ISCU: variants seen among roughly 807,000 people sequenced by gnomAD.
ISCU encodes the protein iron-sulfur cluster assembly enzyme ISCU.
Under a neutral mutation model 18.4 loss-of-function variants are expected in ISCU, and 13 were observed. The observed-to-expected ratio is 0.71, with a 90% CI of 0.46 to 1.12. ISCU has a LOEUF of 1.12. Ranked by LOEUF, ISCU falls within the 50% of genes most tolerant of loss-of-function variation. The probability of loss-of-function intolerance (pLI) is 0.00; values close to 1 mark genes in which losing one functional copy is unlikely to be tolerated. For synonymous variants in ISCU, 104 were observed against 87.5 expected (o/e 1.19, Z -1.06); for missense variants, 229 against 208.7 (o/e 1.10, Z -0.60).
In ISCU at chr12:108,567,113, G is replaced by T. The variant is rs1206719264; in HGVS notation, c.340-77G>T. On this transcript the variant is annotated intron_variant, in intron 3 of 4. Coordinates refer to ENST00000311893, the MANE Select transcript of ISCU (RefSeq NM_213595.4). ...CCCACCAACCCTGAGAGCCTCTTTGGCCTCCCTTTTTTATTGGCTGGCCCT... is the reference window on the plus strand; with the variant it reads ...CCCACCAACCCTGAGAGCCTCTTTGTCCTCCCTTTTTTATTGGCTGGCCCT... 10 of 1,093,936 alleles carry T rather than the reference G, an allele frequency of 9.1e-6. No homozygotes were observed. The East Asian group carries it at 2.1e-4, about 23-fold the overall frequency. The allele number at this position is 1,093,936 out of a possible 1,614,324, so 67.8% of individuals were successfully genotyped here.
rs1226375060 is a variant in ISCU, at chr12:108,569,190, A to C, written c.*274A>C. Reference sequence around the variant, plus strand: ...ACCTCAGAACTGAAATTGATAATGAAGTTGCAAGTTTTGATAGCCCGTGAA... The same window carrying C: ...ACCTCAGAACTGAAATTGATAATGACGTTGCAAGTTTTGATAGCCCGTGAA... On this transcript the variant is annotated 3_prime_UTR_variant, in exon 5 of 5. Transcript: ENST00000311893. The C allele has an allele frequency of 4.3e-6, 2 of 464,880 alleles. No homozygotes were observed. The highest frequency in any genetic ancestry group is 3.9e-5 in the African/African-American group (2 of 50,676). 28.8% of individuals were successfully genotyped at this position (464,880 alleles called of 1,614,324 possible).
chr12:108,565,172 G>A (rs2030830790), intron 2 of ISCU, 149 bp from the exon 3 acceptor site: 1 of 674,354 alleles, frequency 1.5e-6, no homozygotes, highest in Admixed American at 2.4e-5. Context: ...TGAGCTCTTT[G>A]AAACAAGGCA....
At chr12:108,567,977 A>G (rs1471544393) in intron 4 of ISCU, 19 of 1,513,772 alleles carry the variant, frequency 1.3e-5, no homozygotes, top group Non-Finnish European at 1.5e-5. Flanking sequence ...TACTAACCAA[A>G]TTAGTTAAAA....
chr12:108,565,538 A>G, intron 3 of ISCU, 107 bp downstream of exon 3: 2 of 734,510 alleles, frequency 2.7e-6, no homozygotes, highest in South Asian at 1.6e-5. Context: ...TTATATTATC[A>G]TTTCTTCAAA....
chr12:108,563,118 CT>C (rs1565874047), intron 1 of ISCU: 1 of 166,726 alleles, frequency 6.0e-6, no homozygotes, highest in Non-Finnish European at 1.3e-5. Context: ...CACTGCGCCT[CT>C]CTGAACCTGT....
chr12:108,568,073 A>C, intron 4 of ISCU: 1 of 1,445,932 alleles, frequency 6.9e-7, no homozygotes. Context: ...CTCATTCTTC[A>C]GGAAGCCTGG....
At chr12:108,564,039 A>C in intron 1 of ISCU, 1 of 1,481,750 alleles carries the variant, frequency 6.7e-7, no homozygotes, top group East Asian at 2.3e-5. Flanking sequence ...ACATGATTTC[A>C]CTGATTTTTT....
At position 108,568,402 on chromosome 12, in the gene ISCU, G is replaced by A. The variant is rs530581695; in HGVS notation, c.419-429G>A. 3.7e-6 allele frequency: 4 copies of A among 1,092,526 alleles called. No homozygotes were observed. The East Asian group carries it at 2.8e-4, about 76-fold the overall frequency. The allele number at this position is 1,092,526 out of a possible 1,614,324, so 67.7% of individuals were successfully genotyped here. A position where few individuals can be genotyped will look rare whatever the true frequency, so the allele number is the denominator to read the frequency against. Reference sequence around the variant, plus strand: ...GATTGACATGATCTTTTTTCCAAAGGGCATGTCAACTTTTTTATCATGACA... The same window carrying A: ...GATTGACATGATCTTTTTTCCAAAGAGCATGTCAACTTTTTTATCATGACA... On this transcript the variant is annotated intron_variant, in intron 4 of 4. Transcript: ENST00000311893.
At chr12:108,567,794 T>G in intron 4 of ISCU, 2 of 1,531,736 alleles carry the variant, frequency 1.3e-6, no homozygotes, top group Non-Finnish European at 1.7e-6. Context: ...TAAGCCCAGT[T>G]GTACAATGTC....
Position 108,568,546 on chromosome 12 carries a change from A to AT in ISCU, c.419-283dup, listed in dbSNP as rs1249566333. 6 of 1,305,910 alleles carry AT rather than the reference A, an allele frequency of 4.6e-6. No individual in the cohort carries two copies. The African/African-American group carries it at 9.0e-5, about 20-fold the overall frequency. The allele number at this position is 1,305,910 out of a possible 1,614,324, so 80.9% of individuals were successfully genotyped here. A position where few individuals can be genotyped will look rare whatever the true frequency, so the allele number is the denominator to read the frequency against. The stretch of plus-strand genomic sequence containing the variant: ...ACACTATCCTGGCAAGAAAAGCATG[A>AT]TTATCCCAGTTCTATAGAAGAGAAA... On this transcript the variant is annotated intron_variant, in intron 4 of 4. Coordinates refer to ENST00000311893, the MANE Select transcript of ISCU (RefSeq NM_213595.4).
chr12:108,562,455 A>G (rs760822506), upstream of ISCU: 2 of 437,678 alleles, frequency 4.6e-6, no homozygotes, highest in South Asian at 5.2e-5. Context: ...CGCCCCCGAG[A>G]GGCGTGGTCA....
chr12:108,565,004 C>A, intron 2 of ISCU: 1 of 405,640 alleles, frequency 2.5e-6, no homozygotes, highest in African/African-American at 2.0e-5. Context: ...CCAGATTGCC[C>A]CAGCAGCTGT....
upstream of ISCU, chr12:108,562,518 A>G (rs796842009): frequency 3.4e-6 from 2 of 596,196 alleles, no homozygotes; most frequent in Non-Finnish European, 5.2e-6. Flanking sequence ...GCAGGCGCAA[A>G]GCTTCGGTGA....
rs768522022 is a variant in ISCU at position 108,568,822 on chromosome 12, T to TA, written c.419-8dup. ...GAAACTTAGGCTTCTTTCCTTCCGT[T>TA]ACTTCCAGTGCTGGCTGAAGATGCA... On this transcript the variant is annotated splice_polypyrimidine_tract_variant and intron_variant, in intron 4 of 4. Coordinates refer to ENST00000311893, the MANE Select transcript of ISCU (RefSeq NM_213595.4). 5 of 1,611,612 alleles carry TA rather than the reference T, an allele frequency of 3.1e-6. No individual in the cohort carries two copies. The African/African-American group carries it at 4.0e-5, about 13-fold the overall frequency.
chr12:108,567,697 C>T (rs1413999052), intron 4 of ISCU: 18 of 1,535,882 alleles, frequency 1.2e-5, no homozygotes, highest in Admixed American at 3.9e-5. Context: ...ACTCAGCTTT[C>T]GCCATAATCC....
At chr12:108,568,243 T>G in intron 4 of ISCU, 1 of 1,199,972 alleles carries the variant, frequency 8.3e-7, no homozygotes, top group Middle Eastern at 3.4e-4. Context: ...GTTATTTGCT[T>G]GCTTTCTGCT....
upstream of ISCU, among the ~76,000 whole-genome samples, chr12:108,561,806 G>C (rs535400504): frequency 2.8e-4 from 42 of 152,192 alleles, no homozygotes; most frequent in African/African-American, 9.9e-4. Context: ...CATATAAATT[G>C]AGTTTGCTGT....
Position 108,562,602 on chromosome 12 carries a change from G to C in ISCU, c.-21G>C. On this transcript the variant is annotated 5_prime_UTR_variant, in exon 1 of 5. Coordinates refer to ENST00000311893, the MANE Select transcript of ISCU (RefSeq NM_213595.4). ...CGCCCCTCGGCGTCGCTCTGGACTG[G>C]CGCAGGCGCAAGCCGGCAAGATGGC... is the stretch of plus-strand genomic sequence containing the variant. The C allele has an allele frequency of 7.2e-7, 1 of 1,398,170 alleles. No homozygotes were observed. The highest frequency in any genetic ancestry group is 9.4e-7 in the Non-Finnish European group (1 of 1,063,228). The allele number at this position is 1,398,170 out of a possible 1,614,324, so 86.6% of individuals were successfully genotyped here. A position where few individuals can be genotyped will look rare whatever the true frequency, so the allele number is the denominator to read the frequency against.
In ISCU at chr12:108,569,089, TC is replaced by T. The variant is rs991107109; in HGVS notation, c.*174del. On this transcript the variant is annotated 3_prime_UTR_variant, in exon 5 of 5. Coordinates refer to ENST00000311893, the MANE Select transcript of ISCU (RefSeq NM_213595.4). Reference sequence around the variant, plus strand: ...CAAGCAAAATACACAGTTTCATTGTTCTGAATCCTGTGGTTTCTTTCAGCCC... The same window carrying T: ...CAAGCAAAATACACAGTTTCATTGTTTGAATCCTGTGGTTTCTTTCAGCCC... 3 of 645,566 alleles carry T rather than the reference TC, an allele frequency of 4.6e-6. No homozygotes were observed. In the African/African-American group the frequency reaches 5.5e-5, roughly 12 times the overall value. The allele number at this position is 645,566 out of a possible 1,614,324, so 40.0% of individuals were successfully genotyped here.
Sources: gnomAD v4.1 joint callset for allele counts (sites outside exome capture counted in the v4.1 genomes callset) on GRCh38, gnomAD v4.1.1 for gene constraint, MANE v1.5 for transcripts, NCBI Gene and HGNC (gene_info 2026-07-23, HGNC 2026-07-21) for gene names.